Variants in RBMS2 observed in about 807,000 individuals in gnomAD.
The protein encoded by RBMS2 is RNA binding motif single stranded interacting protein 2, also known as RNA-binding motif, single-stranded-interacting protein 2.
A neutral mutation model predicts 58.4 loss-of-function variants in RBMS2; 38 were observed. That is an observed-to-expected ratio of 0.65 (90% CI 0.50 to 0.85). The LOEUF (loss-of-function observed/expected upper bound fraction) is 0.85, where lower values mean the gene tolerates loss of function less well. RBMS2 is among the 40% of genes least tolerant of loss of function. The probability of loss-of-function intolerance (pLI) is 0.00; values close to 1 mark genes in which losing one functional copy is unlikely to be tolerated. For synonymous variants in RBMS2, 151 were observed against 180.7 expected (o/e 0.84, Z 1.32); for missense variants, 367 against 503.7 (o/e 0.73, Z 2.60).
intron 1 of RBMS2, among the ~76,000 whole-genome samples, chr12:56,554,760 T>C (rs938603248): frequency 6.6e-6 from 1 of 152,056 alleles, no homozygotes; most frequent in African/African-American, 2.4e-5. Flanking sequence ...ATAAATAAAA[T>C]AAAATAGTAA....
At chr12:56,568,567 C>T (rs1204427794) in intron 2 of RBMS2, among the ~76,000 whole-genome samples, 5 of 140,000 alleles carry the variant, frequency 3.6e-5, no homozygotes, top group Admixed American at 7.9e-5. Flanking sequence ...GATGTAGTGT[C>T]GCTCTGTCAT....
Position 56,588,215 on chromosome 12 carries a change from A to AT in RBMS2, c.1063-71dup, listed in dbSNP as rs560469502. The AT allele has an allele frequency of 3.6e-4, 411 of 1,149,650 alleles. 5 individuals carry two copies. Among genetic ancestry groups the AT allele is most frequent in the South Asian group, 2.4e-3 (193 of 79,670 alleles). 71.2% of individuals were successfully genotyped at this position (1,149,650 alleles called of 1,614,324 possible). A position where few individuals can be genotyped will look rare whatever the true frequency, so the allele number is the denominator to read the frequency against. ...TCTGGGGTAGAATACAGGTGTCAGT[A>AT]TTTTTTTTAAAGCCCCTCAGCTGCT... On this transcript the variant is annotated intron_variant, in intron 11 of 13. Coordinates refer to ENST00000262031, the MANE Select transcript of RBMS2 (RefSeq NM_002898.4).
At chr12:56,563,623 T>G (rs760787058) in intron 2 of RBMS2, among the ~76,000 whole-genome samples, 45 of 151,878 alleles carry the variant, frequency 3.0e-4, no homozygotes, top group Non-Finnish European at 6.3e-4. Context: ...CAATAAAAAA[T>G]AAAGTCTGGT....
At chr12:56,562,991 C>T (rs111584215) in intron 2 of RBMS2, among the ~76,000 whole-genome samples, 15,955 of 152,008 alleles carry the variant, frequency 0.1, 1,077 homozygotes, top group South Asian at 0.15. Context: ...GGCATGGTGG[C>T]GGGTGCCTGT....
chr12:56,565,723 C>T (rs768660573), intron 2 of RBMS2, among the ~76,000 whole-genome samples: 2 of 152,148 alleles, frequency 1.3e-5, no homozygotes, highest in Non-Finnish European at 2.9e-5. Flanking sequence ...GGATGTTTCT[C>T]ATGCGTAGAC....
rs1310538983 is a variant in RBMS2, at chr12:56,593,960, T to G, written c.*4827T>G. 1.3e-5 allele frequency: 2 copies of G among 152,252 alleles called. No homozygotes were observed. Among genetic ancestry groups the G allele is most frequent in the Non-Finnish European group, 2.9e-5 (2 of 68,054 alleles). The allele number at this position is 152,252 out of a possible 1,614,324, so 9.4% of individuals were successfully genotyped here. A position where few individuals can be genotyped will look rare whatever the true frequency, so the allele number is the denominator to read the frequency against. On this transcript the variant is annotated 3_prime_UTR_variant, in exon 14 of 14. Transcript: ENST00000262031. ...CAGATAAGGAGTGGTAAGAGGACAT[T>G]ACTCATATTGAAGATGAAGACCAGA...
At chr12:56,539,669 C>T in intron 1 of RBMS2, 6 of 449,970 alleles carry the variant, frequency 1.3e-5, no homozygotes, top group Admixed American at 2.4e-5. Flanking sequence ...AGTTACTGTT[C>T]TTTTATTTTT....
chr12:56,573,797 A>G (rs1882725453), intron 5 of RBMS2, among the ~76,000 whole-genome samples: 1 of 146,674 alleles, frequency 6.8e-6, no homozygotes, highest in Non-Finnish European at 1.5e-5. Context: ...GTCGCGTACC[A>G]CAGGTGCGTA....
At chr12:56,580,066 A>G (rs1464855341) in intron 5 of RBMS2, among the ~76,000 whole-genome samples, 4 of 151,770 alleles carry the variant, frequency 2.6e-5, no homozygotes, top group Non-Finnish European at 5.9e-5. Flanking sequence ...AGTAGCTGGG[A>G]CTACTGGCAC....
chr12:56,580,960 C>A (rs1883859896), intron 5 of RBMS2, among the ~76,000 whole-genome samples: 1 of 152,162 alleles, frequency 6.6e-6, no homozygotes, highest in Non-Finnish European at 1.5e-5. Context: ...TGCCATTATT[C>A]CTATGAGGAT....
At chr12:56,571,334 A>G (rs1023630936) in intron 4 of RBMS2, among the ~76,000 whole-genome samples, 1 of 152,110 alleles carries the variant, frequency 6.6e-6, no homozygotes, top group African/African-American at 2.4e-5. Context: ...AGAAGTGGGG[A>G]GGGGCTGCTC....
At chr12:56,534,829 C>G (rs10876899) in intron 1 of RBMS2, among the ~76,000 whole-genome samples, 68,148 of 151,698 alleles carry the variant, frequency 0.45, 16,169 homozygotes, top group East Asian at 0.6. Flanking sequence ...TTTTAGTAGA[C>G]ACAGATTTTC....
intron 1 of RBMS2, among the ~76,000 whole-genome samples, chr12:56,535,718 C>T (rs1025374852): frequency 2.0e-5 from 3 of 152,108 alleles, no homozygotes; most frequent in African/African-American, 7.2e-5. Flanking sequence ...CCTCCCTGCC[C>T]TGCCAAAACT....
chr12:56,551,898 G>A lies in RBMS2; in HGVS notation c.67-10519G>A, dbSNP rs570130703. Among the ~76,000 whole-genome samples, 7 of 152,302 alleles carry A rather than the reference G, an allele frequency of 4.6e-5. No individual in the cohort carries two copies. In the South Asian group the frequency reaches 1.2e-3, roughly 27 times the overall value. On this transcript the variant is annotated intron_variant, in intron 1 of 13. Coordinates refer to ENST00000262031, the MANE Select transcript of RBMS2 (RefSeq NM_002898.4). ...AGGTCGGGAGTTCAAGACCAGCCTG[G>A]CCAACATGGCAAAACCCAGTCTCTA...
chr12:56,559,808 G>A (rs1395497095), intron 1 of RBMS2, among the ~76,000 whole-genome samples: 1 of 134,950 alleles, frequency 7.4e-6, no homozygotes, highest in Non-Finnish European at 1.5e-5. Context: ...CCAAGATCGG[G>A]CCACTGCACT....
chr12:56,524,138 A>G (rs1389067715), intron 1 of RBMS2, among the ~76,000 whole-genome samples: 2 of 152,198 alleles, frequency 1.3e-5, no homozygotes, highest in Non-Finnish European at 2.9e-5. Flanking sequence ...TAGCTTCTAA[A>G]TCTAGGATAG....
chr12:56,570,182 C>T (rs1289117931), intron 4 of RBMS2, among the ~76,000 whole-genome samples, 192 bp downstream of exon 4: 1 of 152,124 alleles, frequency 6.6e-6, no homozygotes, highest in African/African-American at 2.4e-5. Flanking sequence ...TGGCAGGTAG[C>T]TCTATCAGCT....
chr12:56,581,148 G>A, intron 5 of RBMS2, 36 bp from the exon 6 acceptor site: 1 of 1,503,770 alleles, frequency 6.6e-7, no homozygotes, highest in East Asian at 2.3e-5. Context: ...ACAGATCCTG[G>A]AGAAGCTAGA....
chr12:56,521,502 G>GTTTTTTGTTTTTTTT (rs1555185431), upstream of RBMS2, among the ~76,000 whole-genome samples: 2 of 73,168 alleles, frequency 2.7e-5, no homozygotes, highest in African/African-American at 1.1e-4. Context: ...CTCTAACTCT[G>GTTTTTTGTTTTTTTT]TTTTTTTTTT....
Sources: allele counts gnomAD v4.1 joint callset (sites outside exome capture counted in the v4.1 genomes callset), GRCh38; gene constraint gnomAD v4.1.1; transcripts MANE v1.5; gene names NCBI Gene and HGNC (gene_info 2026-07-23, HGNC 2026-07-21).